UTP20: variants seen among roughly 807,000 people sequenced by gnomAD.
UTP20 encodes small subunit processome component 20 homolog.
In UTP20, 164 loss-of-function variants were observed where a neutral mutation model predicts 329.5. The ratio of observed to expected loss-of-function variants is 0.50; its 90% CI spans 0.44 to 0.57. UTP20 has a LOEUF of 0.57. UTP20 is among the 20% of genes least tolerant of loss of function. UTP20 has a pLI of 0.00. For synonymous variants in UTP20, 1,151 were observed against 1,159.3 expected (o/e 0.99, Z 0.14); for missense variants, 3,055 against 3,284.2 (o/e 0.93, Z 1.71).
chr12:101,304,815 A>G (rs1287820550), intron 15 of UTP20, among the ~76,000 whole-genome samples: 2 of 152,194 alleles, frequency 1.3e-5, no homozygotes, highest in African/African-American at 4.8e-5. Context: ...TATAAAATCC[A>G]GCATCCTCAT....
At chr12:101,325,417 A>T (rs1486006213) in intron 25 of UTP20, among the ~76,000 whole-genome samples, 4 of 152,170 alleles carry the variant, frequency 2.6e-5, no homozygotes, top group Admixed American at 1.3e-4. Context: ...TATCTTTTTC[A>T]CTGTGTTGAC....
At chr12:101,317,232 A>C (rs117018635) in intron 21 of UTP20, among the ~76,000 whole-genome samples, 446 of 152,332 alleles carry the variant, frequency 2.9e-3, no homozygotes, top group Non-Finnish European at 4.9e-3. Context: ...AGACATTTCA[A>C]ATATTTTCAA....
rs749732273 is a variant in UTP20, at chr12:101,327,263, C to T, written c.3208+16C>T. Reference sequence around the variant, plus strand: ...TTCAAGAATGGTAACTATCAGCTACCTCTCACTCTAATACCTGTTGTCTGC... The same window carrying T: ...TTCAAGAATGGTAACTATCAGCTACTTCTCACTCTAATACCTGTTGTCTGC... On this transcript the variant is annotated intron_variant, in intron 26 of 61. Transcript: ENST00000261637. 50 of 1,579,200 alleles carry T rather than the reference C, an allele frequency of 3.2e-5. No individual in the cohort carries two copies. Among genetic ancestry groups the T allele is most frequent in the Non-Finnish European group, 4.2e-5 (48 of 1,154,028 alleles).
intron 5 of UTP20, 109 bp from the exon 6 acceptor site, chr12:101,288,850 TG>T: frequency 1.1e-6 from 1 of 909,874 alleles, no homozygotes; most frequent in Admixed American, 2.6e-5. Context: ...TGATACCTGC[TG>T]TGTATTCCTT....
At chr12:101,308,988 G>A (rs1872711165) in intron 18 of UTP20, among the ~76,000 whole-genome samples, 1 of 151,702 alleles carries the variant, frequency 6.6e-6, no homozygotes. Flanking sequence ...CCTCCTCGGC[G>A]TCCCAAAGTG....
At position 101,306,115 on chromosome 12, in the gene UTP20, T is replaced by C. The variant is rs574446444; in HGVS notation, c.1932+50T>C. 7.2e-6 allele frequency: 11 copies of C among 1,534,030 alleles called. No homozygotes were observed. In the South Asian group the frequency reaches 1.4e-4, roughly 20 times the overall value. ...TCCTCAGTCTCTCTTCTCCTGTTTC[T>C]ATATGGACTGCAGTGGTTTTCAGAG... On this transcript the variant is annotated intron_variant, in intron 16 of 61. Transcript: ENST00000261637.
At chr12:101,349,641 A>T (rs1444244533) in intron 38 of UTP20, among the ~76,000 whole-genome samples, 1 of 151,942 alleles carries the variant, frequency 6.6e-6, no homozygotes, top group Non-Finnish European at 1.5e-5. Flanking sequence ...GGGTTTCATT[A>T]TGTTTTCCAG....
intron 10 of UTP20, among the ~76,000 whole-genome samples, chr12:101,292,630 G>A (rs1341277913): frequency 2.0e-5 from 3 of 152,124 alleles, no homozygotes; most frequent in Admixed American, 6.6e-5. Flanking sequence ...TCAGAAGCGG[G>A]GTTAAAAATA....
chr12:101,329,737 A>G (rs1868695775), intron 27 of UTP20, among the ~76,000 whole-genome samples: 1 of 152,156 alleles, frequency 6.6e-6, no homozygotes, highest in African/African-American at 2.4e-5. Flanking sequence ...ATAGAATTAG[A>G]CAAGGAGGCT....
chr12:101,356,797 T>A, intron 42 of UTP20, 104 bp downstream of exon 42: 1 of 1,493,616 alleles, frequency 6.7e-7, no homozygotes, highest in South Asian at 1.3e-5. Flanking sequence ...AGTACTGTCA[T>A]AACTTGCTGT....
At chr12:101,350,453 A>T (rs1869479703) in intron 38 of UTP20, among the ~76,000 whole-genome samples, 1 of 152,144 alleles carries the variant, frequency 6.6e-6, no homozygotes, top group South Asian at 2.1e-4. Context: ...CACCATGCCC[A>T]GCTGTAATTT....
chr12:101,376,396 T>C (rs941349258), intron 56 of UTP20, among the ~76,000 whole-genome samples: 2 of 152,198 alleles, frequency 1.3e-5, no homozygotes, highest in Admixed American at 1.3e-4. Flanking sequence ...ATTTTGTTGT[T>C]TGAACTTCAT....
chr12:101,343,742 C>G (rs549584560), intron 35 of UTP20, among the ~76,000 whole-genome samples: 1 of 152,282 alleles, frequency 6.6e-6, no homozygotes, highest in African/African-American at 2.4e-5. Context: ...GAACTTCTGA[C>G]CTCAGGCGAT....
rs1164386653 is a variant in UTP20 at position 101,288,960 on chromosome 12, C to T, written c.516C>T (p.Ser172=). ...TGTATCTTATTTTTTTCATGTATAGCATGTACAGCACACTCCTGGCTCATA... is the reference window on the plus strand; with the variant it reads ...TGTATCTTATTTTTTTCATGTATAGTATGTACAGCACACTCCTGGCTCATA... ...LMVKDMSSIY[S]MYSTLLAHKK... is the part of the protein sequence containing the mutation. Residue 172 remains serine (S), a splice_region_variant and synonymous_variant, in exon 6 of 62, where the codon AGC becomes AGT. Transcript: ENST00000261637. 6.2e-7 allele frequency: 1 copy of T among 1,611,698 alleles called. No homozygotes were observed. The highest frequency in any genetic ancestry group is 8.5e-7 in the Non-Finnish European group (1 of 1,178,874).
At chr12:101,336,188 T>G (rs1868928131) in intron 29 of UTP20, among the ~76,000 whole-genome samples, 1 of 152,196 alleles carries the variant, frequency 6.6e-6, no homozygotes, top group Non-Finnish European at 1.5e-5. Context: ...ATAAAAGTGT[T>G]GACTTCCCTT....
At chr12:101,290,974 G>T in intron 8 of UTP20, 86 bp downstream of exon 8, 2 of 1,372,702 alleles carry the variant, frequency 1.5e-6, no homozygotes. Flanking sequence ...ATCACTCCTA[G>T]AAGTTATATT....
At chr12:101,349,177 T>C (rs1869434526) in intron 38 of UTP20, among the ~76,000 whole-genome samples, 1 of 152,036 alleles carries the variant, frequency 6.6e-6, no homozygotes, top group Non-Finnish European at 1.5e-5. Context: ...TTTGTTTTGT[T>C]TTTTTGTTTT....
Position 101,342,405 on chromosome 12 carries a change from A to G in UTP20, c.4102-41A>G, listed in dbSNP as rs370232730. ...TTAAAGTATAAGTTGACCAGTTTAT[A>G]ACTTACTGAAATATGATTTCTCTGA... On this transcript the variant is annotated intron_variant, in intron 32 of 61. Transcript: ENST00000261637. 2.1e-5 allele frequency: 33 copies of G among 1,542,520 alleles called. No individual in the cohort carries two copies. The Middle Eastern group carries it at 7.0e-4, about 33-fold the overall frequency.
At chr12:101,340,289 A>T (rs1009298539) in intron 31 of UTP20, among the ~76,000 whole-genome samples, 2 of 152,206 alleles carry the variant, frequency 1.3e-5, no homozygotes, top group Non-Finnish European at 2.9e-5. Context: ...ACACAATCAG[A>T]TATTGCAAAA....
Sources: gnomAD v4.1 joint callset for allele counts (sites outside exome capture counted in the v4.1 genomes callset) on GRCh38, gnomAD v4.1.1 for gene constraint, MANE v1.5 for transcripts, NCBI Gene and HGNC (gene_info 2026-07-23, HGNC 2026-07-21) for gene names.